The following REPS2 variants were observed in gnomAD, a reference collection of about 807,000 sequenced individuals.
REPS2 encodes RALBP1 associated Eps domain containing 2, also known as ralBP1-associated Eps domain-containing protein 2.
REPS2 carries 23 observed loss-of-function variants against 53.6 expected under a neutral mutation model. The ratio of observed to expected loss-of-function variants is 0.43; its 90% CI spans 0.31 to 0.61. REPS2 has a LOEUF of 0.61. Among genes scored for constraint, REPS2 ranks in the 20% least tolerant of loss-of-function variants. The pLI is 0.11. For missense variants in REPS2, 446 were observed against 534.9 expected (o/e 0.83, Z 1.64); for synonymous variants, 238 against 218.6 (o/e 1.09, Z -0.78).
At chrX:17,165,185 C>T in the REPS2 span, among the ~76,000 whole-genome samples, 1 of 112,033 alleles carries the variant, frequency 8.9e-6, no homozygotes, top group African/African-American at 3.2e-5. Context: ...TACTAAGCAG[C>T]CCTGATTCAC....
At chrX:17,085,209 T>C (rs1329368373) in intron 13 of REPS2, among the ~76,000 whole-genome samples, 1 of 112,496 alleles carries the variant, frequency 8.9e-6, no homozygotes, top group Non-Finnish European at 1.9e-5. Flanking sequence ...ATTTCTGGAC[T>C]CTCAGTTCTG....
chrX:17,036,309 T>C (rs975431386), intron 5 of REPS2, among the ~76,000 whole-genome samples: 11 of 112,723 alleles, frequency 9.8e-5, no homozygotes, highest in Admixed American at 5.6e-4. Context: ...CTCACTGTAG[T>C]TTAATTAGCA....
chrX:17,103,087 T>C (rs908604237), intron 13 of REPS2, among the ~76,000 whole-genome samples: 4 of 112,452 alleles, frequency 3.6e-5, no homozygotes, highest in Non-Finnish European at 5.6e-5. Context: ...GTAAAGATTC[T>C]TCAGATGTGG....
chrX:17,186,246 G>A, the REPS2 span, among the ~76,000 whole-genome samples: 3 of 112,447 alleles, frequency 2.7e-5, no homozygotes, highest in Non-Finnish European at 5.6e-5. Context: ...TGCTAACAGT[G>A]GACACTGTCT....
At chrX:17,142,249 A>T (rs902144329) in intron 17 of REPS2, among the ~76,000 whole-genome samples, 1 of 112,327 alleles carries the variant, frequency 8.9e-6, no homozygotes, top group Non-Finnish European at 1.9e-5. Flanking sequence ...TAAAACATAG[A>T]GCTATAAAAT....
chrX:17,047,412 A>G lies in REPS2; in HGVS notation c.837A>G (p.Thr279=). The change falls in exon 6 of 18, where the codon ACA becomes ACG. Residue 279 remains threonine (T), a synonymous_variant. Transcript: ENST00000357277. ...ACCCCGACGAACCCTGGAGGATAAC[A>G]GAAGAACAGCGCGAGTACTATGTCA... The part of the protein sequence containing the change: ...SSYPDEPWRI[T]EEQREYYVNQ... 3 of 1,211,377 alleles carry G rather than the reference A, an allele frequency of 2.5e-6. No individual in the cohort carries two copies. Among genetic ancestry groups the G allele is most frequent in the Middle Eastern group, 2.3e-4 (1 of 4,350 alleles).
At chrX:17,171,515 T>C in the REPS2 span, among the ~76,000 whole-genome samples, 4 of 111,412 alleles carry the variant, frequency 3.6e-5, no homozygotes, top group Non-Finnish European at 7.5e-5. Flanking sequence ...TCTGAACATA[T>C]ATGCCATAAT....
At chrX:17,018,598 CTTTCT>C (rs1362530201) in intron 2 of REPS2, among the ~76,000 whole-genome samples, 9 of 43,965 alleles carry the variant, frequency 2.0e-4, no homozygotes, top group Admixed American at 3.8e-4. Flanking sequence ...TTCTTTCTTT[CTTTCT>C]TTTTTTTTTT....
intron 1 of REPS2, among the ~76,000 whole-genome samples, chrX:16,961,476 A>G (rs1314255660): frequency 8.9e-6 from 1 of 112,144 alleles, no homozygotes; most frequent in Non-Finnish European, 1.9e-5. Flanking sequence ...TCTTTAAAAT[A>G]TACAACAAAA....
chrX:16,954,763 G>A (rs922569417), intron 1 of REPS2, among the ~76,000 whole-genome samples: 3 of 106,991 alleles, frequency 2.8e-5, no homozygotes, highest in Non-Finnish European at 5.8e-5. Context: ...TAGACAATTG[G>A]TTTTGAGGAA....
intron 13 of REPS2, among the ~76,000 whole-genome samples, chrX:17,090,166 C>T (rs1045269690): frequency 5.4e-5 from 6 of 111,900 alleles, no homozygotes; most frequent in Admixed American, 4.7e-4. Flanking sequence ...ATTAGTTATT[C>T]CTGTATTTTA....
At chrX:17,182,183 TATCTATC>T in the REPS2 span, among the ~76,000 whole-genome samples, 1 of 108,549 alleles carries the variant, frequency 9.2e-6, no homozygotes, top group East Asian at 2.8e-4. Flanking sequence ...TCTATCTATC[TATCTATC>T]ATCTATCTAT....
chrX:16,963,275 T>TA lies in REPS2; in HGVS notation c.273+16142dup, dbSNP rs2060689424. 2.7e-5 allele frequency among the ~76,000 whole-genome samples: 3 copies of TA among 112,459 alleles called. No individual in the cohort carries two copies. In the Admixed American group the frequency reaches 2.8e-4, roughly 11 times the overall value. On this transcript the variant is annotated intron_variant, in intron 1 of 17. Transcript: ENST00000357277. ...TGAGCAAACCACGCCTTAAAAATCT[T>TA]ACAATCCTCTTCATATATTTTAAAG...
At position 17,011,885 on chromosome X, in the gene REPS2, C is replaced by G. The variant is rs776064975; in HGVS notation, c.397+5541C>G. On this transcript the variant is annotated intron_variant, in intron 2 of 17. Coordinates refer to ENST00000357277, the MANE Select transcript of REPS2 (RefSeq NM_004726.3). ...GCTGAGGCAGGAGACTAGCTTAAAC[C>G]CAGGAGGTGGAGGTTGCAGTGAGTC... Among the ~76,000 whole-genome samples, 71 of 108,111 alleles carry G rather than the reference C, an allele frequency of 6.6e-4. No homozygotes were observed. In the Admixed American group the frequency reaches 6.6e-3, roughly 10 times the overall value. 93.9% of individuals were successfully genotyped at this position (108,111 alleles called of 115,157 possible). A position where few individuals can be genotyped will look rare whatever the true frequency, so the allele number is the denominator to read the frequency against.
At chrX:17,182,136 A>G in the REPS2 span, among the ~76,000 whole-genome samples, 4,885 of 76,502 alleles carry the variant, frequency 0.064, 116 homozygotes, top group East Asian at 0.13. Context: ...AGTGTGCTCT[A>G]TCTGTCTATC....
At chrX:17,104,158 C>T (rs910457010) in intron 14 of REPS2, among the ~76,000 whole-genome samples, 1 of 111,621 alleles carries the variant, frequency 9.0e-6, no homozygotes, top group African/African-American at 3.3e-5. Flanking sequence ...ACTTTAGGAG[C>T]TATGTTAATT....
intron 1 of REPS2, among the ~76,000 whole-genome samples, chrX:16,947,865 A>G (rs751103629): frequency 3.6e-5 from 4 of 111,521 alleles, no homozygotes; most frequent in Admixed American, 1.9e-4. Context: ...AAGGTAAGGG[A>G]TGTCATAGCT....
At chrX:17,078,792 C>T (rs889955623) in intron 13 of REPS2, among the ~76,000 whole-genome samples, 2 of 112,202 alleles carry the variant, frequency 1.8e-5, no homozygotes, top group Admixed American at 9.4e-5. Context: ...GTGGTTTTTA[C>T]GACACTGCAT....
In REPS2 at chrX:16,991,728, A is replaced by AAAAT. The variant is rs751173690; in HGVS notation, c.274-14469_274-14466dup. ...TACCCTAAAACTTAAAGTAGAATAA[A>AAAAT]AAATAAATAAATAAATAAATAAATA... is the stretch of plus-strand genomic sequence containing the variant. On this transcript the variant is annotated intron_variant, in intron 1 of 17. Transcript: ENST00000357277. Among the ~76,000 whole-genome samples the AAAAT allele has an allele frequency of 3.4e-3, 378 of 110,492 alleles. 2 individuals are homozygous for AAAAT. Among genetic ancestry groups the AAAAT allele is most frequent in the Middle Eastern group, 9.3e-3 (2 of 215 alleles).
Sources: allele counts gnomAD v4.1 joint callset (sites outside exome capture counted in the v4.1 genomes callset), GRCh38; gene constraint gnomAD v4.1.1; transcripts MANE v1.5; gene names NCBI Gene and HGNC (gene_info 2026-07-23, HGNC 2026-07-21).